The following TDRD7 variants were observed in gnomAD, a reference collection of about 807,000 sequenced individuals.
The protein encoded by TDRD7 is tudor domain-containing protein 7.
TDRD7 carries 47 observed loss-of-function variants against 109.8 expected under a neutral mutation model. The ratio of observed to expected loss-of-function variants is 0.43; its 90% CI spans 0.34 to 0.55. The LOEUF (loss-of-function observed/expected upper bound fraction) is 0.55, where lower values mean the gene tolerates loss of function less well. TDRD7 is among the 20% of genes least tolerant of loss of function. The pLI is 0.03. For missense variants in TDRD7, 1,164 were observed against 1,319.2 expected (o/e 0.88, Z 1.82); for synonymous variants, 424 against 457.3 (o/e 0.93, Z 0.93).
intron 6 of TDRD7, among the ~76,000 whole-genome samples, chr9:97,457,445 C>T (rs1444235700): frequency 6.6e-6 from 1 of 152,090 alleles, no homozygotes; most frequent in Admixed American, 6.5e-5. Context: ...ATGGCATGAT[C>T]TTGGCTCACT....
intron 2 of TDRD7, among the ~76,000 whole-genome samples, chr9:97,430,732 C>T (rs1828089519): frequency 6.6e-6 from 1 of 152,130 alleles, no homozygotes; most frequent in African/African-American, 2.4e-5. Context: ...AAAGATAATT[C>T]AATGTACTAG....
At chr9:97,491,834 C>A (rs1829313740) in intron 16 of TDRD7, among the ~76,000 whole-genome samples, 1 of 152,200 alleles carries the variant, frequency 6.6e-6, no homozygotes, top group African/African-American at 2.4e-5. Context: ...CTTTTCTCCT[C>A]CCCCAACTGG....
Position 97,487,471 on chromosome 9 carries a change from C to T in TDRD7, c.3076+139C>T, listed in dbSNP as rs539390203. On this transcript the variant is annotated intron_variant, in intron 16 of 16. Coordinates refer to ENST00000355295, the MANE Select transcript of TDRD7 (RefSeq NM_014290.3). ...TTGTTTTTTTGTGCTAATAATATTGCAACCATAATGGAAATAATTTTAATG... is the reference window on the plus strand; with the variant it reads ...TTGTTTTTTTGTGCTAATAATATTGTAACCATAATGGAAATAATTTTAATG... 22 of 1,017,090 alleles carry T rather than the reference C, an allele frequency of 2.2e-5. No homozygotes were observed. In the Admixed American group the frequency reaches 4.0e-4, roughly 19 times the overall value. 63.0% of individuals were successfully genotyped at this position (1,017,090 alleles called of 1,614,324 possible).
chr9:97,435,885 A>G (rs1041227364), intron 4 of TDRD7, among the ~76,000 whole-genome samples: 1 of 152,152 alleles, frequency 6.6e-6, no homozygotes, highest in Non-Finnish European at 1.5e-5. Context: ...CCTGTTATGA[A>G]GGACACTTAA....
rs1437194699 is a variant in TDRD7 at position 97,480,939 on chromosome 9, G to A, written c.2412+1G>A. ...GAATTGCTCGGACTGTAGCATTAAG[G>A]TTAGCTATCTTGTTGGGCCTGATAC... is the stretch of plus-strand genomic sequence containing the variant. On this transcript the variant is annotated splice_donor_variant, in intron 14 of 16. Coordinates refer to ENST00000355295, the MANE Select transcript of TDRD7 (RefSeq NM_014290.3). LOFTEE classifies it high-confidence loss of function. 1 of 1,613,086 alleles carries A rather than the reference G, an allele frequency of 6.2e-7. No homozygotes were observed. Among genetic ancestry groups the A allele is most frequent in the Non-Finnish European group, 8.5e-7 (1 of 1,179,096 alleles).
At chr9:97,472,642 A>G in intron 10 of TDRD7, 147 bp downstream of exon 10, 2 of 740,478 alleles carry the variant, frequency 2.7e-6, no homozygotes, top group East Asian at 2.7e-5. Flanking sequence ...GCTAGAAGGG[A>G]AAAAAGTACC....
intron 11 of TDRD7, 42 bp from the exon 12 acceptor site, chr9:97,475,341 T>A: frequency 2.0e-6 from 3 of 1,479,016 alleles, no homozygotes; most frequent in Non-Finnish European, 1.9e-6. Context: ...AATATGCTCT[T>A]TGCTAAGAGT....
intron 12 of TDRD7, 82 bp from the exon 13 acceptor site, chr9:97,478,357 G>A (rs1001134446): frequency 1.5e-5 from 23 of 1,533,474 alleles, no homozygotes; most frequent in Non-Finnish European, 2.1e-5. Flanking sequence ...ATGCATTCAG[G>A]ATTGTACAAA....
chr9:97,415,341 T>C (rs1432000133), intron 1 of TDRD7, among the ~76,000 whole-genome samples: 1 of 152,184 alleles, frequency 6.6e-6, no homozygotes, highest in African/African-American at 2.4e-5. Context: ...AGGAAGCAGA[T>C]AACATGCAAA....
At position 97,483,317 on chromosome 9, in the gene TDRD7, A is replaced by G; in HGVS notation, c.2881A>G (p.Lys961Glu). The G allele has an allele frequency of 6.2e-7, 1 of 1,614,172 alleles. No individual in the cohort carries two copies. The highest frequency in any genetic ancestry group is 8.5e-7 in the Non-Finnish European group (1 of 1,180,028). Reference sequence around the variant, plus strand: ...TGAAGAGCGCCACATAGCAGTGGAGAAAGACCAAGTGTATGCTGCAAAAGT... The same window carrying G: ...TGAAGAGCGCCACATAGCAGTGGAGGAAGACCAAGTGTATGCTGCAAAAGT... ...VSEERHIAVE[K>E]DQVYAAKVEN... The change falls in exon 15 of 17, where the codon AAA becomes GAA. Residue 961 changes from lysine to glutamate, a missense_variant. Transcript: ENST00000355295.
At chr9:97,442,017 T>TTAATGAGG in intron 6 of TDRD7, 142 bp downstream of exon 6, 1 of 740,348 alleles carries the variant, frequency 1.4e-6, no homozygotes, top group Non-Finnish European at 2.4e-6. Context: ...TCTCTTAAGA[T>TTAATGAGG]TAACATATGT....
chr9:97,425,712 T>G (rs1321068502), intron 1 of TDRD7, among the ~76,000 whole-genome samples: 2 of 152,210 alleles, frequency 1.3e-5, no homozygotes, highest in African/African-American at 4.8e-5. Flanking sequence ...TTGTTGGTCC[T>G]GGTGATAATA....
chr9:97,441,952 A>G, intron 6 of TDRD7, 77 bp downstream of exon 6: 3 of 1,209,608 alleles, frequency 2.5e-6, no homozygotes, highest in Non-Finnish European at 3.7e-6. Context: ...TAGTCATATC[A>G]CCTTTTATCC....
rs1040660811 is a variant in TDRD7, at chr9:97,415,604, C to T, written c.-7+3366C>T. Among the ~76,000 whole-genome samples the T allele has an allele frequency of 1.1e-4, 17 of 152,140 alleles. 1 individual carries two copies. The highest frequency in any genetic ancestry group is 4.1e-4 in the African/African-American group (17 of 41,426). On this transcript the variant is annotated intron_variant, in intron 1 of 16. Coordinates refer to ENST00000355295, the MANE Select transcript of TDRD7 (RefSeq NM_014290.3). ...CCCACCTCATGTGCATTATTAGTGT[C>T]TTGGATAATTAAGATTAACTGGGTA...
chr9:97,413,384 T>C (rs1564190138), intron 1 of TDRD7, among the ~76,000 whole-genome samples: 1 of 152,166 alleles, frequency 6.6e-6, no homozygotes, highest in Non-Finnish European at 1.5e-5. Context: ...CTTAGCCTGG[T>C]TTTCTATGTG....
Position 97,460,282 on chromosome 9 carries a change from A to G in TDRD7, c.960A>G (p.Pro320=), listed in dbSNP as rs1267262490. Residue 320 remains proline (P), a synonymous_variant, in exon 7 of 17, where the codon CCA becomes CCG. Coordinates refer to ENST00000355295, the MANE Select transcript of TDRD7 (RefSeq NM_014290.3). ...ELDTEKVPLS[P]LPGPKQTPPL... ...ATACTGAGAAAGTACCTCTATCCCC[A>G]CTACCTGGTCCCAAACAAACACCAC... is the stretch of plus-strand genomic sequence containing the variant. The G allele has an allele frequency of 8.7e-6, 14 of 1,614,212 alleles. No individual in the cohort carries two copies. Among genetic ancestry groups the G allele is most frequent in the Non-Finnish European group, 1.1e-5 (13 of 1,180,044 alleles).
At chr9:97,472,593 G>A (rs1209989583) in intron 10 of TDRD7, 98 bp downstream of exon 10, 1 of 1,048,688 alleles carries the variant, frequency 9.5e-7, no homozygotes. Flanking sequence ...GATAGAGACA[G>A]ATTACATTTA....
intron 7 of TDRD7, among the ~76,000 whole-genome samples, chr9:97,463,507 C>G (rs1419609694): frequency 6.6e-6 from 1 of 151,560 alleles, no homozygotes; most frequent in Non-Finnish European, 1.5e-5. Flanking sequence ...TACAGGCCTA[C>G]TTGGAGCCTG....
intron 1 of TDRD7, among the ~76,000 whole-genome samples, chr9:97,413,366 T>A (rs1438762237): frequency 6.6e-6 from 1 of 152,236 alleles, no homozygotes; most frequent in Non-Finnish European, 1.5e-5. Flanking sequence ...ACAAATTACA[T>A]GCTTTCTCTT....
Sources: gnomAD v4.1 joint callset for allele counts (sites outside exome capture counted in the v4.1 genomes callset) on GRCh38, gnomAD v4.1.1 for gene constraint, MANE v1.5 for transcripts, NCBI Gene and HGNC (gene_info 2026-07-23, HGNC 2026-07-21) for gene names.